Variants in SKAP1 observed in about 807,000 individuals in gnomAD.
The protein encoded by SKAP1 is src kinase associated phosphoprotein 1.
In SKAP1, 44 loss-of-function variants were observed where a neutral mutation model predicts 58.5. That is an observed-to-expected ratio of 0.75 (90% CI 0.59 to 0.97). The LOEUF is 0.97. SKAP1 is among the 50% of genes least tolerant of loss of function. The pLI is 0.00. For synonymous variants in SKAP1, 127 were observed against 149.7 expected, an observed-to-expected ratio of 0.85 and a Z score of 1.11; for missense variants, 390 against 435.2, an observed-to-expected ratio of 0.90 and a Z score of 0.92.
intron 12 of SKAP1, among the ~76,000 whole-genome samples, chr17:48,134,734 G>A (rs561132293): frequency 7.9e-5 from 12 of 151,204 alleles, no homozygotes; most frequent in African/African-American, 2.2e-4. Context: ...TTGAGATGGA[G>A]TCTCTGTCAC....
rs766023758 is a variant in SKAP1, at chr17:48,137,361, G to A, written c.979-24C>T. The A allele has an allele frequency of 6.5e-5, 98 of 1,512,952 alleles. No homozygotes were observed. The East Asian group carries it at 1.4e-3, about 22-fold the overall frequency. 93.7% of individuals were successfully genotyped at this position (1,512,952 alleles called of 1,614,324 possible). ...TCCTGAAAAGTGAAAAGAGGATAGC[G>A]TCAGTTAGAATTTGTTCATGCTTCT... On this transcript the variant is annotated intron_variant, in intron 11 of 12. Transcript: ENST00000336915.
intron 1 of SKAP1, among the ~76,000 whole-genome samples, chr17:48,414,549 T>C (rs909398058): frequency 3.9e-5 from 6 of 152,210 alleles, no homozygotes; most frequent in Admixed American, 3.9e-4. Flanking sequence ...AAGTCGCATA[T>C]TTAAAACTTA....
chr17:48,371,942 T>C (rs921605530), intron 2 of SKAP1, among the ~76,000 whole-genome samples: 8 of 152,326 alleles, frequency 5.3e-5, no homozygotes, highest in South Asian at 2.1e-4. Flanking sequence ...TTAGGCATTG[T>C]GCTAGATATA....
At chr17:48,361,079 CTAT>C (rs2066929938) in intron 3 of SKAP1, among the ~76,000 whole-genome samples, 1 of 114,462 alleles carries the variant, frequency 8.7e-6, no homozygotes, top group Non-Finnish European at 1.9e-5. Flanking sequence ...CTGTACTATA[CTAT>C]ACTATACTAT....
chr17:48,426,744 A>T, intron 1 of SKAP1, among the ~76,000 whole-genome samples: 1 of 152,024 alleles, frequency 6.6e-6, no homozygotes, highest in Non-Finnish European at 1.5e-5. Context: ...ACTAGTTACT[A>T]TTTCTATATG....
chr17:48,423,662 A>G (rs1040901993), intron 1 of SKAP1, among the ~76,000 whole-genome samples: 1 of 152,210 alleles, frequency 6.6e-6, no homozygotes, highest in African/African-American at 2.4e-5. Flanking sequence ...GGTCAACAGC[A>G]CAGTGTTAAT....
chr17:48,188,953 C>G (rs568643761), intron 5 of SKAP1, among the ~76,000 whole-genome samples: 1 of 152,218 alleles, frequency 6.6e-6, no homozygotes, highest in African/African-American at 2.4e-5. Flanking sequence ...GTGCCAGGTT[C>G]ACACCCACTG....
At chr17:48,153,080 G>C (rs942473775) in intron 11 of SKAP1, among the ~76,000 whole-genome samples, 3 of 151,862 alleles carry the variant, frequency 2.0e-5, no homozygotes, top group Non-Finnish European at 2.9e-5. Context: ...AAAGTGAAAG[G>C]TCTTGTCCAG....
chr17:48,424,158 T>C (rs1450325155), intron 1 of SKAP1, among the ~76,000 whole-genome samples: 1 of 151,864 alleles, frequency 6.6e-6, no homozygotes, highest in African/African-American at 2.4e-5. Flanking sequence ...TTTTGGTTCA[T>C]AGATAGCACC....
At chr17:48,292,011 C>A (rs1335633077) in intron 4 of SKAP1, among the ~76,000 whole-genome samples, 1 of 151,764 alleles carries the variant, frequency 6.6e-6, no homozygotes, top group East Asian at 1.9e-4. Context: ...ATCTAATATA[C>A]TTCATTAGCT....
intron 4 of SKAP1, among the ~76,000 whole-genome samples, chr17:48,189,960 G>C (rs553434195): frequency 6.6e-6 from 1 of 152,134 alleles, no homozygotes; most frequent in South Asian, 2.1e-4. Context: ...TTACAGACGT[G>C]AGCCACCACA....
intron 9 of SKAP1, among the ~76,000 whole-genome samples, chr17:48,173,223 T>A (rs1271273546): frequency 6.7e-6 from 1 of 150,082 alleles, no homozygotes; most frequent in Non-Finnish European, 1.5e-5. Context: ...GGAAATAAAA[T>A]ATATATATAT....
intron 1 of SKAP1, among the ~76,000 whole-genome samples, chr17:48,423,950 A>C (rs2067824729): frequency 6.6e-6 from 1 of 152,052 alleles, no homozygotes; most frequent in African/African-American, 2.4e-5. Context: ...ATTAGGGTAA[A>C]ACTATTTGTG....
At chr17:48,154,926 G>A (rs1331034976) in intron 11 of SKAP1, among the ~76,000 whole-genome samples, 1 of 151,612 alleles carries the variant, frequency 6.6e-6, no homozygotes, top group East Asian at 2.0e-4. Flanking sequence ...CAGGTGTGGT[G>A]GCTTGAGCCT....
At chr17:48,191,609 A>G (rs1004011647) in intron 4 of SKAP1, among the ~76,000 whole-genome samples, 3 of 152,238 alleles carry the variant, frequency 2.0e-5, no homozygotes, top group African/African-American at 7.2e-5. Flanking sequence ...AACATCTACG[A>G]CAATTTAAAA....
intron 1 of SKAP1, among the ~76,000 whole-genome samples, chr17:48,399,079 C>T (rs1024098249): frequency 6.2e-5 from 9 of 144,588 alleles, no homozygotes; most frequent in South Asian, 2.1e-4. Flanking sequence ...AAATAGCCAT[C>T]GCTAGGACTT....
chr17:48,184,407 A>G (rs985785111), intron 7 of SKAP1, among the ~76,000 whole-genome samples: 1 of 152,212 alleles, frequency 6.6e-6, no homozygotes, highest in Admixed American at 6.5e-5. Context: ...TTTAAACCAT[A>G]AAATCGGAGA....
chr17:48,237,900 A>G (rs972279146), intron 4 of SKAP1, among the ~76,000 whole-genome samples: 3 of 146,616 alleles, frequency 2.0e-5, no homozygotes, highest in Non-Finnish European at 3.0e-5. Flanking sequence ...GAAGGGAAAG[A>G]TTGATGAGTT....
At chr17:48,268,134 T>A (rs2065578522) in intron 4 of SKAP1, among the ~76,000 whole-genome samples, 1 of 152,128 alleles carries the variant, frequency 6.6e-6, no homozygotes, top group East Asian at 1.9e-4. Context: ...TGAAGAGGCC[T>A]CATGCAATAT....
Sources: allele counts gnomAD v4.1 joint callset (sites outside exome capture counted in the v4.1 genomes callset), GRCh38; gene constraint gnomAD v4.1.1; transcripts MANE v1.5; gene names NCBI Gene and HGNC (gene_info 2026-07-23, HGNC 2026-07-21).